The following BTC variants were observed in gnomAD, a reference collection of about 807,000 sequenced individuals.
BTC encodes the protein probetacellulin.
BTC carries 13 observed loss-of-function variants against 18.1 expected under a neutral mutation model. That is an observed-to-expected ratio of 0.72 (90% CI 0.47 to 1.14). The LOEUF is 1.14. BTC is among the 50% of genes most tolerant of loss of function. BTC has a pLI of 0.00. For missense variants in BTC, 247 were observed against 224.2 expected (o/e 1.10, Z -0.65); for synonymous variants, 83 against 79.4 (o/e 1.05, Z -0.24).
intron 1 of BTC, among the ~76,000 whole-genome samples, chr4:74,777,352 A>G (rs73825045): frequency 0.032 from 4,886 of 152,248 alleles, 241 homozygotes; most frequent in African/African-American, 0.11. Flanking sequence ...CGCTCAAAAA[A>G]TAGTAGCTGT....
chr4:74,763,242 A>G (rs1256743163), intron 2 of BTC, among the ~76,000 whole-genome samples: 1 of 152,168 alleles, frequency 6.6e-6, no homozygotes, highest in Non-Finnish European at 1.5e-5. Flanking sequence ...AAGCAAAGTG[A>G]TCTTCCACCA....
At chr4:74,754,965 A>T (rs1054980197) in intron 3 of BTC, among the ~76,000 whole-genome samples, 1 of 145,338 alleles carries the variant, frequency 6.9e-6, no homozygotes, top group East Asian at 2.0e-4. Flanking sequence ...ACACACACAC[A>T]CTCACACACA....
intron 1 of BTC, among the ~76,000 whole-genome samples, chr4:74,784,714 T>C (rs1282187168): frequency 6.6e-6 from 1 of 152,242 alleles, no homozygotes. Context: ...TCTGTTTATA[T>C]GATGAATCAC....
chr4:74,757,134 C>T (rs554339259), intron 2 of BTC, among the ~76,000 whole-genome samples: 1 of 152,090 alleles, frequency 6.6e-6, no homozygotes, highest in African/African-American at 2.4e-5. Context: ...GAGCATGTCA[C>T]GCTAGGTTTG....
intron 1 of BTC, among the ~76,000 whole-genome samples, chr4:74,776,197 G>T (rs146639512): frequency 6.6e-6 from 1 of 151,128 alleles, no homozygotes; most frequent in Non-Finnish European, 1.5e-5. Context: ...TAAGAAAATA[G>T]TTTTTACACT....
intron 3 of BTC, among the ~76,000 whole-genome samples, chr4:74,751,420 A>T (rs1269860976): frequency 6.6e-6 from 1 of 151,964 alleles, no homozygotes; most frequent in Non-Finnish European, 1.5e-5. Flanking sequence ...TAGCTCCTTT[A>T]TCTGATTCCT....
At chr4:74,756,500 G>A (rs895439028) in intron 2 of BTC, among the ~76,000 whole-genome samples, 15 of 152,186 alleles carry the variant, frequency 9.9e-5, no homozygotes, top group African/African-American at 2.7e-4. Context: ...CACAAAGCAC[G>A]ATACATGGAG....
chr4:74,756,731 C>T (rs782285185), intron 2 of BTC, among the ~76,000 whole-genome samples: 2 of 152,174 alleles, frequency 1.3e-5, no homozygotes, highest in East Asian at 1.9e-4. Context: ...CCCATGAATT[C>T]GTTCTGCTGC....
chr4:74,771,789 G>A (rs549783292), intron 1 of BTC, among the ~76,000 whole-genome samples: 2 of 152,232 alleles, frequency 1.3e-5, no homozygotes, highest in South Asian at 2.1e-4. Flanking sequence ...CACACACAAT[G>A]TATAAGTCTT....
At chr4:74,749,055 T>A (rs566877906) in intron 4 of BTC, among the ~76,000 whole-genome samples, 2 of 152,322 alleles carry the variant, frequency 1.3e-5, no homozygotes, top group South Asian at 2.1e-4. Context: ...ACACTCTTGT[T>A]TTACAGAAAA....
intron 2 of BTC, among the ~76,000 whole-genome samples, chr4:74,756,781 G>C (rs544286716): frequency 6.6e-6 from 1 of 152,296 alleles, no homozygotes; most frequent in South Asian, 2.1e-4. Flanking sequence ...TCATGCTCTG[G>C]ATTTCATTCC....
chr4:74,744,907 A>G lies in BTC; in HGVS notation c.*1770T>C, dbSNP rs1041975520. ...TTCTTTCTTGATATCAGATCTACCA[A>G]ATTTCGAGAGCCACCATTGATATTT... On this transcript the variant is annotated 3_prime_UTR_variant, in exon 6 of 6. Transcript: ENST00000395743. 3.9e-5 allele frequency: 6 copies of G among 152,204 alleles called. No individual in the cohort carries two copies. Among genetic ancestry groups the G allele is most frequent in the African/African-American group, 1.4e-4 (6 of 41,456 alleles). The allele number at this position is 152,204 out of a possible 1,614,324, so 9.4% of individuals were successfully genotyped here.
intron 2 of BTC, among the ~76,000 whole-genome samples, chr4:74,762,449 A>C (rs1560714242): frequency 6.6e-6 from 1 of 152,220 alleles, no homozygotes; most frequent in Admixed American, 6.5e-5. Context: ...CACTCAGAAC[A>C]GTCCTTGGCA....
intron 1 of BTC, among the ~76,000 whole-genome samples, chr4:74,792,384 A>C (rs1462259116): frequency 1.3e-5 from 2 of 152,180 alleles, no homozygotes; most frequent in East Asian, 3.8e-4. Context: ...CATTTCTACT[A>C]TGACACCTCT....
intron 2 of BTC, among the ~76,000 whole-genome samples, chr4:74,765,048 G>A (rs190545603): frequency 1.1e-5 from 1 of 91,668 alleles, no homozygotes. Context: ...TTGCCACTAT[G>A]AATCAATTAT....
intron 2 of BTC, among the ~76,000 whole-genome samples, chr4:74,761,395 G>T (rs6840529): frequency 0.15 from 23,359 of 152,006 alleles, 2,296 homozygotes; most frequent in Middle Eastern, 0.24. Context: ...TCCTTCCTGG[G>T]TAAGCTCATC....
chr4:74,777,850 C>T (rs116004450), intron 1 of BTC, among the ~76,000 whole-genome samples: 1,526 of 152,118 alleles, frequency 0.01, 22 homozygotes, highest in African/African-American at 0.035. Flanking sequence ...AATCATATCT[C>T]TAATTTTTAA....
chr4:74,751,031 C>T (rs891401363), intron 3 of BTC, among the ~76,000 whole-genome samples: 1 of 152,004 alleles, frequency 6.6e-6, no homozygotes, highest in Non-Finnish European at 1.5e-5. Flanking sequence ...GGATAAAATT[C>T]CCAGTGCTTA....
At chr4:74,748,967 C>T (rs1724372211) in intron 4 of BTC, among the ~76,000 whole-genome samples, 1 of 152,140 alleles carries the variant, frequency 6.6e-6, no homozygotes, top group Admixed American at 6.6e-5. Context: ...AATATTTCTT[C>T]CTACCTTAAA....
Sources: allele counts gnomAD v4.1 joint callset (sites outside exome capture counted in the v4.1 genomes callset), GRCh38; gene constraint gnomAD v4.1.1; transcripts MANE v1.5; gene names NCBI Gene and HGNC (gene_info 2026-07-23, HGNC 2026-07-21).